Variants in ABCB9 observed in about 807,000 individuals in gnomAD.
ABCB9 encodes ATP binding cassette subfamily B member 9, also known as ABC-type oligopeptide transporter ABCB9.
Under a neutral mutation model 62.0 loss-of-function variants are expected in ABCB9, and 36 were observed. The observed-to-expected ratio is 0.58, with a 90% CI of 0.45 to 0.77. The LOEUF (loss-of-function observed/expected upper bound fraction) is 0.77, where lower values mean the gene tolerates loss of function less well. Ranked by LOEUF, ABCB9 falls within the 30% of genes least tolerant of loss-of-function variation. The pLI, the probability that ABCB9 is intolerant of heterozygous loss-of-function variation, is 0.00. For missense variants in ABCB9, 943 were observed against 1,054.7 expected, an observed-to-expected ratio of 0.89 and a Z score of 1.47; for synonymous variants, 435 against 461.4, an observed-to-expected ratio of 0.94 and a Z score of 0.73.
rs1161710765 is a variant in ABCB9 at position 122,959,846 on chromosome 12, G to A, written c.390C>T (p.Ser130=). 6.2e-7 allele frequency: 1 copy of A among 1,613,298 alleles called. No homozygotes were observed. Among genetic ancestry groups the A allele is most frequent in the Non-Finnish European group, 8.5e-7 (1 of 1,179,842 alleles). ...TGGACAGCAGCCACCAGAGCAGGAAGGATGCGCCGAGTGAAATGTACGTCC... is the reference window on the plus strand; with the variant it reads ...TGGACAGCAGCCACCAGAGCAGGAAAGATGCGCCGAGTGAAATGTACGTCC... ...FVWTYISLGA[S]FLLWWLLSTV... Residue 130 remains serine (S), a synonymous_variant, in exon 2 of 12, where the codon TCC becomes TCT. Transcript: ENST00000280560. The surrounding 1 kb of genome is among the most constrained non-coding windows in gnomAD (Gnocchi z 5.4).
chr12:122,946,227 G>A lies in ABCB9; in HGVS notation c.1054-5C>T, dbSNP rs1566175280. ...CTGGACCTCTTTGGAGAGCCTCTATGGACAGGAGGGGGACAAGAAGGAGAA... is the reference window on the plus strand; with the variant it reads ...CTGGACCTCTTTGGAGAGCCTCTATAGACAGGAGGGGGACAAGAAGGAGAA... On this transcript the variant is annotated splice_polypyrimidine_tract_variant and splice_region_variant and intron_variant, in intron 5 of 11. Transcript: ENST00000280560. The A allele has an allele frequency of 1.9e-6, 3 of 1,614,024 alleles. No homozygotes were observed. Among genetic ancestry groups the A allele is most frequent in the Non-Finnish European group, 2.5e-6 (3 of 1,180,000 alleles).
intron 2 of ABCB9, among the ~76,000 whole-genome samples, chr12:122,953,591 T>C (rs1466213733): frequency 6.6e-6 from 1 of 152,194 alleles, no homozygotes. Flanking sequence ...TTTCACCATG[T>C]TGGCCTGGCT....
At chr12:122,948,582 TG>T in intron 5 of ABCB9, 41 bp downstream of exon 5, 1 of 1,539,604 alleles carries the variant, frequency 6.5e-7, no homozygotes. Context: ...GTTTGGGGGC[TG>T]CCAGGGTGCA....
intron 9 of ABCB9, 138 bp downstream of exon 9, chr12:122,939,973 G>T: frequency 8.7e-7 from 1 of 1,150,910 alleles, no homozygotes; most frequent in Non-Finnish European, 1.2e-6. Context: ...GTTTCTCTAG[G>T]AGGGCATTGT....
At chr12:122,943,659 C>A (rs567370666) in intron 7 of ABCB9, among the ~76,000 whole-genome samples, 2 of 151,756 alleles carry the variant, frequency 1.3e-5, no homozygotes, top group African/African-American at 4.8e-5. Context: ...GATGGAGTTT[C>A]GCTTTGGTTG....
At chr12:122,941,101 G>A (rs1414060190) in intron 7 of ABCB9, 106 bp from the exon 8 acceptor site, 17 of 1,315,754 alleles carry the variant, frequency 1.3e-5, no homozygotes, top group South Asian at 1.1e-4. Context: ...GAGTTCTGGC[G>A]GGGAGATGCA....
chr12:122,953,457 A>T (rs1347790227), intron 2 of ABCB9, among the ~76,000 whole-genome samples: 4 of 152,060 alleles, frequency 2.6e-5, no homozygotes, highest in Non-Finnish European at 5.9e-5. Context: ...GCACGATTTC[A>T]GCTCGCTGTA....
upstream of ABCB9, among the ~76,000 whole-genome samples, chr12:122,967,060 T>C (rs929185447): frequency 4.6e-5 from 7 of 152,232 alleles, no homozygotes; most frequent in Non-Finnish European, 8.8e-5. Flanking sequence ...TGGAAGGGAA[T>C]ACATTTTACG....
chr12:122,923,957 C>A (rs1205500062), intron 11 of ABCB9, among the ~76,000 whole-genome samples: 1 of 152,138 alleles, frequency 6.6e-6, no homozygotes, highest in African/African-American at 2.4e-5. Context: ...TAGCAGGGGG[C>A]ATGGGGAAGG....
chr12:122,935,520 A>C, intron 9 of ABCB9, 89 bp from the exon 10 acceptor site: 1 of 1,474,382 alleles, frequency 6.8e-7, no homozygotes, highest in South Asian at 1.3e-5. Context: ...GCCTGGAGAC[A>C]CCAGCAGTCT....
intron 2 of ABCB9, among the ~76,000 whole-genome samples, chr12:122,956,146 G>A (rs2036603987): frequency 6.6e-6 from 1 of 152,202 alleles, no homozygotes; most frequent in Non-Finnish European, 1.5e-5. Context: ...AAACTGCCTG[G>A]TTTAATGGGA....
chr12:122,970,823 T>C (rs1266185682), upstream of ABCB9, among the ~76,000 whole-genome samples: 7 of 152,154 alleles, frequency 4.6e-5, no homozygotes, highest in Non-Finnish European at 1.0e-4. Context: ...AACAGAATAT[T>C]ATTCAGTGCT....
At chr12:122,946,380 C>T (rs2036049804) in intron 5 of ABCB9, 158 bp from the exon 6 acceptor site, 8 of 703,310 alleles carry the variant, frequency 1.1e-5, no homozygotes, top group Non-Finnish European at 1.4e-5. Flanking sequence ...CTTTCTCCCC[C>T]ATCCCCTTCT....
In ABCB9 at chr12:122,929,284, C is replaced by A; in HGVS notation, c.*627G>T. On this transcript the variant is annotated 3_prime_UTR_variant, in exon 12 of 12. Coordinates refer to ENST00000280560, the MANE Select transcript of ABCB9 (RefSeq NM_019625.4). This position sits in a 1 kb window ranked among gnomAD's most constrained non-coding sequence, Gnocchi z 6.0. ...CCCCTCACTCCCCCAGTTGAGGTTT[C>A]GTGTGGTTCACAGTGAGACTGGCTT... The A allele has an allele frequency of 1.0e-6, 1 of 986,064 alleles. No individual in the cohort carries two copies. The highest frequency in any genetic ancestry group is 1.2e-6 in the Non-Finnish European group (1 of 830,104). 61.1% of individuals were successfully genotyped at this position (986,064 alleles called of 1,614,324 possible).
At position 122,944,291 on chromosome 12, in the gene ABCB9, C is replaced by T. The variant is rs1024652271; in HGVS notation, c.1380+100G>A. The T allele has an allele frequency of 6.7e-6, 10 of 1,491,406 alleles. No individual in the cohort carries two copies. The highest frequency in any genetic ancestry group is 2.3e-5 in the East Asian group (1 of 43,454). 92.4% of individuals were successfully genotyped at this position (1,491,406 alleles called of 1,614,324 possible). On this transcript the variant is annotated intron_variant, in intron 7 of 11. Transcript: ENST00000280560. This position sits in a 1 kb window ranked among gnomAD's most constrained non-coding sequence, Gnocchi z 4.9. ...CTACTTACCTTAGAGAGAAATACCA[C>T]ATTGTCAGAGTCCCTGGAGCCCCGC...
At chr12:122,933,727 T>G (rs1170892481) in intron 10 of ABCB9, among the ~76,000 whole-genome samples, 2 of 152,118 alleles carry the variant, frequency 1.3e-5, no homozygotes, top group Non-Finnish European at 2.9e-5. Flanking sequence ...TAAAAATTAG[T>G]GTATTTAGTA....
chr12:122,950,363 C>A (rs1325042068), intron 3 of ABCB9, 88 bp downstream of exon 3: 2 of 1,295,364 alleles, frequency 1.5e-6, no homozygotes, highest in African/African-American at 1.5e-5. Flanking sequence ...CCTCCCTGGC[C>A]CCTGTCTTCC....
rs1221171660 is a variant in ABCB9, at chr12:122,950,578, G to A, written c.602-13C>T. 1.2e-6 allele frequency: 2 copies of A among 1,606,768 alleles called. No individual in the cohort carries two copies. Among genetic ancestry groups the A allele is most frequent in the Non-Finnish European group, 1.7e-6 (2 of 1,177,346 alleles). ...AGGAAGGTCTCTCCTGGGGGAGGCAGGGCAGCCTCAGGGACGTCTGCAGCC... is the reference window on the plus strand; with the variant it reads ...AGGAAGGTCTCTCCTGGGGGAGGCAAGGCAGCCTCAGGGACGTCTGCAGCC... On this transcript the variant is annotated splice_polypyrimidine_tract_variant and intron_variant, in intron 2 of 11. Coordinates refer to ENST00000280560, the MANE Select transcript of ABCB9 (RefSeq NM_019625.4).
Position 122,973,578 on chromosome 12 carries a change from G to GAAAAAAAAAA in ABCB9, c.-88+1127_-88+1136dup, listed in dbSNP as rs57853191. ...AGAGCGAGACTCCGTCTCAAAAAAA[G>GAAAAAAAAAA]AAAAAAAAAAAAAAAAAAAAAAAAA... is the stretch of plus-strand genomic sequence containing the variant. On this transcript the variant is annotated intron_variant, in intron 1 of 11. Transcript: ENST00000392439. Among the ~76,000 whole-genome samples the GAAAAAAAAAA allele has an allele frequency of 9.7e-4, 49 of 50,328 alleles. 1 individual carries two copies. The highest frequency in any genetic ancestry group is 1.2e-3 in the Non-Finnish European group (34 of 27,952). The allele number at this position is 50,328 out of a possible 152,430, so 33.0% of individuals were successfully genotyped here.
Sources: allele counts gnomAD v4.1 joint callset (sites outside exome capture counted in the v4.1 genomes callset), GRCh38; gene constraint gnomAD v4.1.1; non-coding constraint Gnocchi (gnomAD v3.1); transcripts MANE v1.5; gene names NCBI Gene and HGNC (gene_info 2026-07-23, HGNC 2026-07-21).